Variants in STK32B observed in about 807,000 individuals in gnomAD.
The protein encoded by STK32B is serine/threonine kinase 32B.
STK32B carries 43 observed loss-of-function variants against 52.6 expected under a neutral mutation model. The ratio of observed to expected loss-of-function variants is 0.82; its 90% confidence interval spans 0.64 to 1.05. The LOEUF is 1.05. STK32B is among the 50% of genes least tolerant of loss of function. The pLI is 0.00. For synonymous variants in STK32B, 238 were observed against 204.3 expected (o/e 1.17, Z -1.41); for missense variants, 621 against 534.6 (o/e 1.16, Z -1.59).
chr4:5,347,388 A>T (rs1350660598), intron 4 of STK32B, among the ~76,000 whole-genome samples: 13 of 152,366 alleles, frequency 8.5e-5, no homozygotes, highest in African/African-American at 3.1e-4. Flanking sequence ...TCCACATTTT[A>T]ATACCTAGAA....
In STK32B at chr4:5,058,785, C is replaced by T. The variant is rs564253223; in HGVS notation, c.52+6870C>T. Among the ~76,000 whole-genome samples, 4 of 152,150 alleles carry T rather than the reference C, an allele frequency of 2.6e-5. No homozygotes were observed. The South Asian group carries it at 8.3e-4, about 32-fold the overall frequency. On this transcript the variant is annotated intron_variant, in intron 1 of 11. Coordinates refer to ENST00000282908, the MANE Select transcript of STK32B (RefSeq NM_018401.3). The surrounding 1 kb of genome is among the most constrained non-coding windows in gnomAD (Gnocchi z 4.8). ...ATTTTTTGATATAGAATCTCTCTCT[C>T]TGTCTCCCAGGATGGAGTGCAGTGG...
intron 4 of STK32B, among the ~76,000 whole-genome samples, chr4:5,364,834 C>A (rs551051835): frequency 4.6e-5 from 7 of 152,302 alleles, no homozygotes; most frequent in Admixed American, 1.3e-4. Flanking sequence ...GAATGTCTCA[C>A]TTCTAGCATT....
intron 4 of STK32B, 152 bp downstream of exon 4, chr4:5,331,545 T>C (rs1560326718): frequency 2.6e-6 from 2 of 778,790 alleles, no homozygotes; most frequent in Non-Finnish European, 3.9e-6. Flanking sequence ...TTTCTTCCTA[T>C]TTTTTTATGT....
At chr4:5,444,995 A>C (rs1387802570) in intron 6 of STK32B, among the ~76,000 whole-genome samples, 1 of 152,164 alleles carries the variant, frequency 6.6e-6, no homozygotes, top group Non-Finnish European at 1.5e-5. Flanking sequence ...TGCTGAACGA[A>C]ATGTTGAGAC....
chr4:5,222,353 A>G (rs917256728), intron 3 of STK32B, among the ~76,000 whole-genome samples: 1 of 152,236 alleles, frequency 6.6e-6, no homozygotes, highest in African/African-American at 2.4e-5. Context: ...GAAACTCTAC[A>G]GTATCCAGAA....
chr4:5,101,203 A>G (rs1245240812), intron 1 of STK32B, among the ~76,000 whole-genome samples: 2 of 152,174 alleles, frequency 1.3e-5, no homozygotes, highest in African/African-American at 4.8e-5. Context: ...GCCTGATTCC[A>G]GAGGACAAGA....
At chr4:5,210,333 C>T (rs1403268274) in intron 3 of STK32B, among the ~76,000 whole-genome samples, 1 of 152,128 alleles carries the variant, frequency 6.6e-6, no homozygotes, top group African/African-American at 2.4e-5. Context: ...CTGCCCTTCC[C>T]CATCTCCTCG....
intron 3 of STK32B, among the ~76,000 whole-genome samples, chr4:5,309,688 AAATG>A (rs1730163077): frequency 6.6e-6 from 1 of 152,210 alleles, no homozygotes; most frequent in African/African-American, 2.4e-5. Context: ...CATTTGCAGA[AAATG>A]AACCTAGACA....
intron 11 of STK32B, among the ~76,000 whole-genome samples, chr4:5,477,473 G>A (rs922374656): frequency 6.6e-6 from 1 of 152,150 alleles, no homozygotes; most frequent in African/African-American, 2.4e-5. Context: ...ATGGCTCAGA[G>A]TCCATTATTC....
At chr4:5,244,588 C>G (rs1318730291) in intron 3 of STK32B, among the ~76,000 whole-genome samples, 2 of 152,156 alleles carry the variant, frequency 1.3e-5, no homozygotes, top group Non-Finnish European at 2.9e-5. Context: ...CAGTTCTGCT[C>G]TGATCTTAGT....
chr4:5,193,569 C>G (rs923189119), intron 3 of STK32B, among the ~76,000 whole-genome samples: 4 of 152,226 alleles, frequency 2.6e-5, no homozygotes, highest in African/African-American at 4.8e-5. Flanking sequence ...AACAGGTGTG[C>G]CAGTTGCTTC....
At chr4:5,442,969 G>T (rs1714943537) in intron 6 of STK32B, among the ~76,000 whole-genome samples, 2 of 151,862 alleles carry the variant, frequency 1.3e-5, no homozygotes, top group African/African-American at 4.8e-5. Flanking sequence ...TCTGCCGAGA[G>T]ATCCGCTGTT....
At chr4:5,219,596 C>G (rs113137665) in intron 3 of STK32B, among the ~76,000 whole-genome samples, 2 of 152,214 alleles carry the variant, frequency 1.3e-5, no homozygotes, top group Non-Finnish European at 2.9e-5. Flanking sequence ...GCCCAACTTC[C>G]GAGCTGATCC....
At chr4:5,487,747 T>G (rs184105353) in intron 11 of STK32B, among the ~76,000 whole-genome samples, 2 of 152,210 alleles carry the variant, frequency 1.3e-5, no homozygotes, top group East Asian at 3.9e-4. Flanking sequence ...AGTCTTATTC[T>G]GATATGGAGT....
intron 1 of STK32B, among the ~76,000 whole-genome samples, chr4:5,066,104 G>A (rs1326349397): frequency 6.6e-6 from 1 of 152,038 alleles, no homozygotes; most frequent in Non-Finnish European, 1.5e-5. Flanking sequence ...ATTCCATTTG[G>A]ATATCTCAAA....
At chr4:5,279,199 C>G (rs1219679415) in intron 3 of STK32B, among the ~76,000 whole-genome samples, 1 of 152,170 alleles carries the variant, frequency 6.6e-6, no homozygotes, top group Non-Finnish European at 1.5e-5. Context: ...TCCCTTCCAC[C>G]TATAAGCCTG....
At chr4:5,171,532 C>A (rs1011691828) in intron 3 of STK32B, among the ~76,000 whole-genome samples, 1 of 152,182 alleles carries the variant, frequency 6.6e-6, no homozygotes, top group Non-Finnish European at 1.5e-5. Context: ...ATATGGCTAG[C>A]CAGTTTTCCC....
chr4:5,288,690 G>C (rs892046646), intron 3 of STK32B, among the ~76,000 whole-genome samples: 2 of 152,066 alleles, frequency 1.3e-5, no homozygotes, highest in African/African-American at 4.8e-5. Context: ...TCTCTGGATT[G>C]TCTTTCTGCT....
chr4:5,240,660 A>G (rs1457863985), intron 3 of STK32B, among the ~76,000 whole-genome samples: 2 of 152,080 alleles, frequency 1.3e-5, no homozygotes, highest in African/African-American at 2.4e-5. Flanking sequence ...TGGTTTCACC[A>G]TGTTGGCCAG....
Sources: gnomAD v4.1 joint callset for allele counts (sites outside exome capture counted in the v4.1 genomes callset) on GRCh38, gnomAD v4.1.1 for gene constraint, Gnocchi (gnomAD v3.1) non-coding constraint, MANE v1.5 for transcripts, NCBI Gene and HGNC (gene_info 2026-07-23, HGNC 2026-07-21) for gene names.